MERTK: variants seen among roughly 807,000 people sequenced by gnomAD.
MERTK encodes the protein tyrosine-protein kinase Mer.
A neutral mutation model predicts 99.3 loss-of-function variants in MERTK; 69 were observed. The ratio of observed to expected loss-of-function variants is 0.70; its 90% CI spans 0.57 to 0.85. MERTK has a LOEUF of 0.85. Ranked by LOEUF, MERTK falls within the 40% of genes least tolerant of loss-of-function variation. MERTK has a pLI of 0.00. For synonymous variants in MERTK, 426 were observed against 467.6 expected, an observed-to-expected ratio of 0.91 and a Z score of 1.15; for missense variants, 1,125 against 1,249.4, an observed-to-expected ratio of 0.90 and a Z score of 1.50.
chr2:111,941,003 G>C (rs1450376555), intron 2 of MERTK: 1 of 570,118 alleles, frequency 1.8e-6, no homozygotes, highest in African/African-American at 1.9e-5. Flanking sequence ...GCGGGGTTGT[G>C]GTAGTCAAGA....
chr2:111,922,135 A>C (rs1380236759), intron 1 of MERTK, among the ~76,000 whole-genome samples: 1 of 152,200 alleles, frequency 6.6e-6, no homozygotes, highest in African/African-American at 2.4e-5. Context: ...TTCACCAGCC[A>C]GCACCCTCAG....
intron 15 of MERTK, among the ~76,000 whole-genome samples, chr2:112,018,512 A>G (rs1256859566): frequency 2.0e-5 from 3 of 152,226 alleles, no homozygotes; most frequent in African/African-American, 4.8e-5. Flanking sequence ...TGAAAATGCA[A>G]TGTCTTTCCA....
At chr2:112,012,073 G>C (rs764782188) in intron 15 of MERTK, among the ~76,000 whole-genome samples, 1 of 152,224 alleles carries the variant, frequency 6.6e-6, no homozygotes, top group Admixed American at 6.5e-5. Context: ...CACAGATGCA[G>C]AACCTCATGG....
At chr2:111,919,773 T>G (rs1281971578) in intron 1 of MERTK, among the ~76,000 whole-genome samples, 1 of 151,628 alleles carries the variant, frequency 6.6e-6, no homozygotes, top group Admixed American at 6.6e-5. Context: ...CTCATTTTGT[T>G]TTTTGATGTT....
At chr2:111,965,529 A>G (rs1369136462) in intron 5 of MERTK, among the ~76,000 whole-genome samples, 2 of 152,252 alleles carry the variant, frequency 1.3e-5, no homozygotes, top group Admixed American at 6.5e-5. Flanking sequence ...TGCCTGGCAT[A>G]TAGGTCTTTG....
intron 2 of MERTK, among the ~76,000 whole-genome samples, chr2:111,937,857 C>T (rs944842334): frequency 4.6e-5 from 7 of 151,996 alleles, no homozygotes; most frequent in Admixed American, 6.6e-5. Context: ...AAAAACAGGG[C>T]GCTTACAGTG....
intron 18 of MERTK, chr2:112,024,788 G>A (rs1312568050): frequency 6.6e-6 from 1 of 152,298 alleles, no homozygotes; most frequent in Non-Finnish European, 1.5e-5. Context: ...AAATTAGCTG[G>A]GTGTTGTAGG....
intron 14 of MERTK, chr2:112,008,879 A>G (rs1677040202): frequency 3.4e-6 from 1 of 290,742 alleles, no homozygotes; most frequent in African/African-American, 2.2e-5. Context: ...TTGAGAAATA[A>G]TTTATTAACC....
chr2:112,008,164 A>C (rs567382493), intron 13 of MERTK, among the ~76,000 whole-genome samples: 30 of 152,116 alleles, frequency 2.0e-4, no homozygotes, highest in African/African-American at 6.7e-4. Flanking sequence ...ATCATACAGA[A>C]TTATTTCTTG....
chr2:111,936,208 G>A (rs533742068), intron 2 of MERTK, among the ~76,000 whole-genome samples: 2 of 152,064 alleles, frequency 1.3e-5, no homozygotes, highest in Admixed American at 1.3e-4. Context: ...GAGCCACTGC[G>A]CCCGGCAAGT....
At chr2:111,996,894 C>T (rs75015369) in intron 9 of MERTK, 2,588 of 252,194 alleles carry the variant, frequency 0.01, 23 homozygotes, top group Middle Eastern at 0.022. Flanking sequence ...AACCTACTCT[C>T]GATCGTTTTT....
In MERTK at chr2:111,994,355, G is replaced by C. The variant is rs1676691648; in HGVS notation, c.1401G>C (p.Gly467=). The C allele has an allele frequency of 6.2e-7, 1 of 1,614,178 alleles. No individual in the cohort carries two copies. The highest frequency in any genetic ancestry group is 8.5e-7 in the Non-Finnish European group (1 of 1,180,042). The change falls in exon 9 of 19, where the codon GGG becomes GGC. Residue 467 remains glycine (G), a synonymous_variant. Transcript: ENST00000295408. ...TGAGGATTGCAGCCGTCACCAGAGG[G>C]GGAGTTGGGCCCTTCAGTGATCCAG... The part of the protein sequence containing the change: ...CTVRIAAVTR[G]GVGPFSDPVK...
chr2:111,964,398 TGCGCGC>T (rs1553452048), intron 4 of MERTK, among the ~76,000 whole-genome samples: 2 of 81,070 alleles, frequency 2.5e-5, no homozygotes, highest in African/African-American at 9.1e-5. Flanking sequence ...TGTGTGTGTG[TGCGCGC>T]GCGCACGCGC....
chr2:111,967,048 G>A lies in MERTK; in HGVS notation c.845-1089G>A, dbSNP rs114526225. The stretch of plus-strand genomic sequence containing the variant: ...AACTGTGTGTAGTTGTAGATAGGGC[G>A]TGTGTAGCTGTGCCTGGGGCCATAC... On this transcript the variant is annotated intron_variant, in intron 5 of 18. Transcript: ENST00000295408. 6.8e-3 allele frequency among the ~76,000 whole-genome samples: 1,033 copies of A among 152,304 alleles called. 15 individuals carry two copies. Among genetic ancestry groups the A allele is most frequent in the African/African-American group, 0.024 (993 of 41,554 alleles).
intron 9 of MERTK, chr2:111,994,850 TATG>T (rs1423401066): frequency 2.3e-5 from 7 of 306,796 alleles, no homozygotes; most frequent in Non-Finnish European, 4.4e-5. Flanking sequence ...AAAGATATGA[TATG>T]ATAACATGCT....
chr2:112,012,456 G>C (rs1225714141), intron 15 of MERTK, among the ~76,000 whole-genome samples: 1 of 152,174 alleles, frequency 6.6e-6, no homozygotes, highest in South Asian at 2.1e-4. Flanking sequence ...CTGGATGCAG[G>C]GTGCCTTTCA....
chr2:112,019,708 A>C (rs1288867125), intron 16 of MERTK, among the ~76,000 whole-genome samples, 186 bp downstream of exon 16: 1 of 152,122 alleles, frequency 6.6e-6, no homozygotes, highest in Non-Finnish European at 1.5e-5. Context: ...TCTGTATCTG[A>C]GAGTCTGGTT....
intron 2 of MERTK, among the ~76,000 whole-genome samples, chr2:111,942,965 T>A (rs955485294): frequency 1.3e-5 from 2 of 152,116 alleles, no homozygotes; most frequent in Non-Finnish European, 2.9e-5. Flanking sequence ...ATTTAAAATG[T>A]TTAGTGTTCA....
chr2:111,929,775 A>AT (rs1241882066), intron 2 of MERTK, among the ~76,000 whole-genome samples: 24 of 117,118 alleles, frequency 2.0e-4, no homozygotes, highest in African/African-American at 7.9e-4. Context: ...TTTTTTTTGT[A>AT]TTTTTTGTAG....
Sources: gnomAD v4.1 joint callset for allele counts (sites outside exome capture counted in the v4.1 genomes callset) on GRCh38, gnomAD v4.1.1 for gene constraint, MANE v1.5 for transcripts, NCBI Gene and HGNC (gene_info 2026-07-23, HGNC 2026-07-21) for gene names.